The following EPHA6 variants were observed in gnomAD, a reference collection of about 807,000 sequenced individuals.
EPHA6 encodes EPH receptor A6, also known as ephrin type-A receptor 6.
Under a neutral mutation model 112.0 loss-of-function variants are expected in EPHA6, and 50 were observed. The observed-to-expected ratio is 0.45, with a 90% CI of 0.36 to 0.56. The LOEUF is 0.56. EPHA6 is among the 20% of genes least tolerant of loss of function. EPHA6 has a pLI of 0.00. For synonymous variants in EPHA6, 529 were observed against 490.7 expected (o/e 1.08, Z -1.03); for missense variants, 1,280 against 1,417.4 (o/e 0.90, Z 1.56).
chr3:96,863,355 G>A (rs1576173842), intron 1 of EPHA6, among the ~76,000 whole-genome samples: 4 of 151,908 alleles, frequency 2.6e-5, no homozygotes. Flanking sequence ...TGTGTTCAAC[G>A]TAATTAGTGT....
chr3:97,088,477 G>A (rs1033672972), intron 3 of EPHA6, among the ~76,000 whole-genome samples: 9 of 152,072 alleles, frequency 5.9e-5, no homozygotes, highest in African/African-American at 2.2e-4. Context: ...TCAAGTCTGT[G>A]GGTTCTCTGG....
intron 2 of EPHA6, among the ~76,000 whole-genome samples, chr3:96,895,674 T>C (rs1159211752): frequency 6.6e-6 from 1 of 152,210 alleles, no homozygotes; most frequent in Non-Finnish European, 1.5e-5. Flanking sequence ...GTTGTTGTTG[T>C]ACCATTTCTA....
At chr3:97,496,524 A>G (rs2091981514) in intron 10 of EPHA6, among the ~76,000 whole-genome samples, 1 of 152,208 alleles carries the variant, frequency 6.6e-6, no homozygotes, top group African/African-American at 2.4e-5. Context: ...TCATGCTTTT[A>G]TTAACCACAA....
intron 10 of EPHA6, among the ~76,000 whole-genome samples, chr3:97,515,193 A>C (rs372831708): frequency 1.9e-4 from 29 of 152,188 alleles, no homozygotes; most frequent in African/African-American, 6.5e-4. Context: ...AATTCTCCAA[A>C]TGTGCTCAGT....
Position 96,964,508 on chromosome 3 carries a change from TG to T in EPHA6, c.451-22821del, listed in dbSNP as rs369156717. ...TTGTTTTGGTTTTTATAGATAACAT[TG>T]TATCATAGATCTGATTTTGATCCTT... On this transcript the variant is annotated intron_variant, in intron 2 of 17. Coordinates refer to ENST00000389672, the MANE Select transcript of EPHA6 (RefSeq NM_001080448.3). Among the ~76,000 whole-genome samples, 851 of 152,314 alleles carry T rather than the reference TG, an allele frequency of 5.6e-3. 12 individuals are homozygous for T. Among genetic ancestry groups the T allele is most frequent in the African/African-American group, 0.019 (783 of 41,568 alleles).
chr3:97,104,464 T>C (rs2047504084), intron 3 of EPHA6, among the ~76,000 whole-genome samples: 1 of 152,214 alleles, frequency 6.6e-6, no homozygotes, highest in South Asian at 2.1e-4. Flanking sequence ...TTTTCGTATG[T>C]TGAACCAAAC....
intron 2 of EPHA6, among the ~76,000 whole-genome samples, chr3:96,966,145 T>C (rs1429166685): frequency 6.6e-6 from 1 of 152,158 alleles, no homozygotes; most frequent in Non-Finnish European, 1.5e-5. Flanking sequence ...AAAATAAGTT[T>C]ACTGAGTTTT....
chr3:97,412,500 T>C (rs1302482306), intron 6 of EPHA6, among the ~76,000 whole-genome samples: 1 of 152,074 alleles, frequency 6.6e-6, no homozygotes, highest in Admixed American at 6.6e-5. Context: ...TAAGTTGTTA[T>C]CCAATTCTGA....
At chr3:97,144,662 A>G (rs1282813123) in intron 3 of EPHA6, among the ~76,000 whole-genome samples, 1 of 151,426 alleles carries the variant, frequency 6.6e-6, no homozygotes, top group East Asian at 1.9e-4. Context: ...TTCTACAGTG[A>G]TTTTATCTTA....
intron 14 of EPHA6, among the ~76,000 whole-genome samples, chr3:97,686,532 A>G (rs1231011893): frequency 1.3e-5 from 2 of 152,228 alleles, no homozygotes; most frequent in Non-Finnish European, 2.9e-5. Flanking sequence ...CTCTACATAT[A>G]TGCCTGATTT....
chr3:97,224,945 GTTTT>G (rs1036684583), intron 3 of EPHA6, among the ~76,000 whole-genome samples: 1 of 151,140 alleles, frequency 6.6e-6, no homozygotes, highest in East Asian at 1.9e-4. Flanking sequence ...GCTTTTTTGG[GTTTT>G]TTTGTTTGTT....
intron 12 of EPHA6, among the ~76,000 whole-genome samples, chr3:97,608,161 T>C (rs1259539774): frequency 4.0e-5 from 6 of 151,104 alleles, no homozygotes; most frequent in Non-Finnish European, 8.9e-5. Flanking sequence ...ATACAAAAGA[T>C]TAAGAGTTCA....
chr3:97,320,816 C>CAAAAAAAAA (rs1294813082), intron 5 of EPHA6, among the ~76,000 whole-genome samples: 7 of 93,956 alleles, frequency 7.5e-5, no homozygotes, highest in South Asian at 3.2e-4. Context: ...TCTCTGGGGG[C>CAAAAAAAAA]AAAAAATAAA....
intron 2 of EPHA6, among the ~76,000 whole-genome samples, chr3:96,891,723 A>C (rs2037975573): frequency 6.6e-6 from 1 of 152,182 alleles, no homozygotes; most frequent in Non-Finnish European, 1.5e-5. Flanking sequence ...AAATAAATAA[A>C]AATAAAAATA....
At chr3:96,942,848 A>G (rs2041048707) in intron 2 of EPHA6, among the ~76,000 whole-genome samples, 1 of 152,052 alleles carries the variant, frequency 6.6e-6, no homozygotes, top group South Asian at 2.1e-4. Context: ...GATACAAACC[A>G]GGGTATTCCA....
chr3:97,363,171 AATATATATATATATATATATATATAT>A (rs58214738), intron 5 of EPHA6, among the ~76,000 whole-genome samples: 4,378 of 51,306 alleles, frequency 0.085, 468 homozygotes, highest in Non-Finnish European at 0.13. Flanking sequence ...TTGCCCCTGC[AATATATATATATATATATATATATAT>A]ATATATATAT....
intron 6 of EPHA6, among the ~76,000 whole-genome samples, chr3:97,428,697 G>A (rs930328210): frequency 1.3e-5 from 2 of 151,600 alleles, no homozygotes; most frequent in Non-Finnish European, 2.9e-5. Context: ...AGAGAGAACG[G>A]GCTACAAGGA....
At chr3:97,099,558 G>A (rs1229923486) in intron 3 of EPHA6, among the ~76,000 whole-genome samples, 3 of 151,772 alleles carry the variant, frequency 2.0e-5, no homozygotes, top group Non-Finnish European at 4.4e-5. Context: ...TTTGGTTTGT[G>A]ACTCATCCTA....
chr3:96,948,280 A>G (rs1165037751), intron 2 of EPHA6, among the ~76,000 whole-genome samples: 2 of 152,112 alleles, frequency 1.3e-5, no homozygotes, highest in South Asian at 2.1e-4. Context: ...TCTATGTGTC[A>G]TTGAGGAAAA....
Sources: gnomAD v4.1 joint callset for allele counts (sites outside exome capture counted in the v4.1 genomes callset) on GRCh38, gnomAD v4.1.1 for gene constraint, MANE v1.5 for transcripts, NCBI Gene and HGNC (gene_info 2026-07-23, HGNC 2026-07-21) for gene names.